C6orf118: variants seen among roughly 807,000 people sequenced by gnomAD.
C6orf118 encodes chromosome 6 open reading frame 118, also known as uncharacterized protein C6orf118.
C6orf118 carries 50 observed loss-of-function variants against 50.2 expected under a neutral mutation model. That is an observed-to-expected ratio of 1.00 (90% CI 0.79 to 1.26). C6orf118 has a LOEUF of 1.26. C6orf118 is among the 50% of genes most tolerant of loss of function. The pLI is 0.00. For missense variants in C6orf118, 641 were observed against 578.7 expected (o/e 1.11, Z -1.10); for synonymous variants, 239 against 230.9 (o/e 1.03, Z -0.32).
In C6orf118 at chr6:165,285,401, A is replaced by G. The variant is rs565502732; in HGVS notation, c.1303-3708T>C. Among the ~76,000 whole-genome samples, 305 of 152,302 alleles carry G rather than the reference A, an allele frequency of 2.0e-3. 2 individuals carry two copies. Among genetic ancestry groups the G allele is most frequent in the African/African-American group, 6.6e-3 (274 of 41,576 alleles). Reference sequence around the variant, plus strand: ...AATATTAAACAGATCATAGAGACAGAAAATTAACAAAGATATTCACGACTT... The same window carrying G: ...AATATTAAACAGATCATAGAGACAGGAAATTAACAAAGATATTCACGACTT... On this transcript the variant is annotated intron_variant, in intron 7 of 8. Transcript: ENST00000230301.
At chr6:165,288,864 G>A (rs1351535710) in intron 7 of C6orf118, among the ~76,000 whole-genome samples, 1 of 151,942 alleles carries the variant, frequency 6.6e-6, no homozygotes, top group Non-Finnish European at 1.5e-5. Flanking sequence ...GATGATAGGT[G>A]CAGCAAATCA....
At chr6:165,309,526 C>T in intron 1 of C6orf118, 36 bp downstream of exon 1, 1 of 1,613,722 alleles carries the variant, frequency 6.2e-7, no homozygotes, top group Non-Finnish European at 8.5e-7. Context: ...TCAAGCAAAT[C>T]TCACAAGCCA....
At chr6:165,282,647 C>CTT (rs3079844) in intron 7 of C6orf118, among the ~76,000 whole-genome samples, 19,961 of 141,010 alleles carry the variant, frequency 0.14, 2,283 homozygotes, top group African/African-American at 0.3. Flanking sequence ...ACATTCAGCT[C>CTT]TTTTTTTTTT....
intron 2 of C6orf118, 72 bp from the exon 3 acceptor site, chr6:165,300,558 T>A: frequency 6.7e-7 from 1 of 1,486,200 alleles, no homozygotes; most frequent in East Asian, 2.3e-5. Flanking sequence ...TTCTCAGGAG[T>A]CAGTGAGGAC....
At position 165,301,582 on chromosome 6, in the gene C6orf118, C is replaced by T. The variant is rs754040607; in HGVS notation, c.740G>A (p.Arg247Lys). 1 of 1,612,228 alleles carries T rather than the reference C, an allele frequency of 6.2e-7. No individual in the cohort carries two copies. The highest frequency in any genetic ancestry group is 8.5e-7 in the Non-Finnish European group (1 of 1,179,150). ...TGSKAAAGHE[R>K]KLQQELQKIC... ...TGCCCTCCTCACCTGCTGCAGCTTT[C>T]TCTCGTGGCCCGCGGCCGCCTTGCT... is the stretch of plus-strand genomic sequence containing the variant. Residue 247 changes from arginine to lysine, a missense_variant, in exon 2 of 9, where the codon AGA becomes AAA. Arg to Lys is a conservative substitution (Grantham distance 26). Transcript: ENST00000230301.
chr6:165,300,627 T>G (rs1227915673), intron 2 of C6orf118, 141 bp from the exon 3 acceptor site: 2 of 642,898 alleles, frequency 3.1e-6, no homozygotes, highest in African/African-American at 1.9e-5. Flanking sequence ...TCTCGGGGGT[T>G]CTGATCCCTC....
intron 7 of C6orf118, 131 bp from the exon 8 acceptor site, chr6:165,281,824 C>A: frequency 2.2e-6 from 1 of 464,130 alleles, no homozygotes; most frequent in Non-Finnish European, 3.7e-6. Context: ...TACTTAAAAA[C>A]AGATGAAGAA....
chr6:165,298,232 A>T, intron 4 of C6orf118, 131 bp from the exon 5 acceptor site: 76 of 1,032,138 alleles, frequency 7.4e-5, no homozygotes, highest in Middle Eastern at 3.5e-4. Context: ...AAATAGGTAA[A>T]TTGGGAGGAT....
At chr6:165,296,333 C>T (rs1249286492) in intron 5 of C6orf118, among the ~76,000 whole-genome samples, 1 of 143,110 alleles carries the variant, frequency 7.0e-6, no homozygotes, top group African/African-American at 2.6e-5. Flanking sequence ...AAGCAGGGCT[C>T]AGTCACCATT....
At position 165,292,056 on chromosome 6, in the gene C6orf118, T is replaced by G. The variant is rs1234022739; in HGVS notation, c.1120+1357A>C. 2.6e-5 allele frequency among the ~76,000 whole-genome samples: 4 copies of G among 152,292 alleles called. No homozygotes were observed. In the East Asian group the frequency reaches 5.8e-4, roughly 22 times the overall value. On this transcript the variant is annotated intron_variant, in intron 6 of 8. Transcript: ENST00000230301. ...CTGAGGGGATAGAAATGGTCATAGTTAAGCTTCTACACAAACTGAAAGAAA... is the reference window on the plus strand; with the variant it reads ...CTGAGGGGATAGAAATGGTCATAGTGAAGCTTCTACACAAACTGAAAGAAA...
In C6orf118 at chr6:165,301,837, C is replaced by T. The variant is rs1780556006; in HGVS notation, c.485G>A (p.Gly162Asp). Residue 162 changes from glycine (G) to aspartate (D), a missense_variant, in exon 2 of 9, where the codon GGC becomes GAC. Gly to Asp is a moderately conservative substitution (Grantham distance 94). Transcript: ENST00000230301. ...TCCAGGAGGGCCCCGTCCAGGAGGG[C>T]CTCCTTTCTTTTCTTCCTTCCCCTC... ...VREGKEEKKGGPPGRGPPGWR... is the reference protein window; with the variant it reads ...VREGKEEKKGDPPGRGPPGWR... 1 of 1,613,788 alleles carries T rather than the reference C, an allele frequency of 6.2e-7. No individual in the cohort carries two copies. The highest frequency in any genetic ancestry group is 8.5e-7 in the Non-Finnish European group (1 of 1,180,022).
At chr6:165,296,101 C>T (rs752609959) in intron 5 of C6orf118, among the ~76,000 whole-genome samples, 5 of 152,162 alleles carry the variant, frequency 3.3e-5, no homozygotes, top group African/African-American at 1.2e-4. Context: ...ACCTCACTTG[C>T]TCTCACAAAC....
intron 4 of C6orf118, 59 bp from the exon 5 acceptor site, chr6:165,298,160 CT>C: frequency 6.7e-7 from 1 of 1,500,074 alleles, no homozygotes. Flanking sequence ...GGAGGACTCC[CT>C]TTCTTATTTG....
chr6:165,282,647 C>CTGTT (rs1554267660), intron 7 of C6orf118, among the ~76,000 whole-genome samples: 9 of 141,144 alleles, frequency 6.4e-5, no homozygotes, highest in Non-Finnish European at 1.4e-4. Flanking sequence ...ACATTCAGCT[C>CTGTT]TTTTTTTTTT....
chr6:165,289,970 T>C lies in C6orf118; in HGVS notation c.1218A>G (p.Ile406Met). The C allele has an allele frequency of 1.2e-6, 2 of 1,611,314 alleles. No homozygotes were observed. Among genetic ancestry groups the C allele is most frequent in the East Asian group, 2.2e-5 (1 of 44,704 alleles). ...TTTTAATTTCTTTTTCCAGAGCTTG[T>C]ATCTCATCCCACTTACTGAGTATTT... ...RCEILSKWDE[I>M]QALEKEIKTT... The change falls in exon 7 of 9, where the codon ATA becomes ATG. Residue 406 changes from isoleucine (I) to methionine (M), a missense_variant. By Grantham distance (10) the Ile-to-Met change is conservative. Transcript: ENST00000230301.
intron 8 of C6orf118, among the ~76,000 whole-genome samples, chr6:165,280,795 C>T (rs1473657138): frequency 3.3e-5 from 5 of 152,254 alleles, no homozygotes; most frequent in East Asian, 1.9e-4. Flanking sequence ...ATTGAGACCC[C>T]GAGGAGGCAG....
At chr6:165,288,915 T>C (rs1037943357) in intron 7 of C6orf118, among the ~76,000 whole-genome samples, 1 of 152,084 alleles carries the variant, frequency 6.6e-6, no homozygotes, top group African/African-American at 2.4e-5. Flanking sequence ...CTCCACATCC[T>C]GCACATGTAC....
chr6:165,301,688 C>A lies in C6orf118; in HGVS notation c.634G>T (p.Ala212Ser), dbSNP rs201539458. ...VSSYLAGATS[A>S]DRYRMFLRFQ... ...CGCAGGAACATCCTGTACCTGTCTG[C>A]GCTGGTGGCTCCGGCCAGGTAGGAG... Residue 212 changes from alanine (A) to serine (S), a missense_variant, in exon 2 of 9, where the codon GCA becomes TCA. Transcript: ENST00000230301. 2 of 1,614,162 alleles carry A rather than the reference C, an allele frequency of 1.2e-6. No individual in the cohort carries two copies. Among genetic ancestry groups the A allele is most frequent in the African/African-American group, 1.3e-5 (1 of 75,042 alleles).
intron 6 of C6orf118, among the ~76,000 whole-genome samples, chr6:165,292,820 G>C (rs1486455111): frequency 1.3e-5 from 2 of 152,126 alleles, no homozygotes; most frequent in East Asian, 3.9e-4. Context: ...GTAGAAAAGA[G>C]GAAACAGGCA....
Sources: allele counts gnomAD v4.1 joint callset (sites outside exome capture counted in the v4.1 genomes callset), GRCh38; gene constraint gnomAD v4.1.1; transcripts MANE v1.5; gene names NCBI Gene and HGNC (gene_info 2026-07-23, HGNC 2026-07-21).